Variants in PDE1C observed in about 807,000 individuals in gnomAD.
PDE1C encodes phosphodiesterase 1C.
In PDE1C, 62 loss-of-function variants were observed where a neutral mutation model predicts 93.1. That is an observed-to-expected ratio of 0.67 (90% CI 0.54 to 0.82). The LOEUF (loss-of-function observed/expected upper bound fraction) is 0.82, where lower values mean the gene tolerates loss of function less well. Among genes scored for constraint, PDE1C ranks in the 40% least tolerant of loss-of-function variants. The pLI is 0.00. For missense variants in PDE1C, 742 were observed against 884.6 expected, an observed-to-expected ratio of 0.84 and a Z score of 2.04; for synonymous variants, 325 against 310.1, an observed-to-expected ratio of 1.05 and a Z score of -0.50.
the PDE1C span, among the ~76,000 whole-genome samples, chr7:31,620,279 AGATCT>A: frequency 6.6e-6 from 1 of 152,054 alleles, no homozygotes; most frequent in African/African-American, 2.4e-5. Flanking sequence ...ATGCAGCTGG[AGATCT>A]GAGAACGGGC....
chr7:32,410,037 C>T (rs1785133461), intron 1 of PDE1C, among the ~76,000 whole-genome samples: 1 of 152,022 alleles, frequency 6.6e-6, no homozygotes, highest in Non-Finnish European at 1.5e-5. Context: ...AACATAAAAA[C>T]TAGAAATAAC....
At chr7:32,063,027 T>A (rs1794989707) in intron 1 of PDE1C, among the ~76,000 whole-genome samples, 1 of 152,184 alleles carries the variant, frequency 6.6e-6, no homozygotes, top group Admixed American at 6.5e-5. Flanking sequence ...ATAACAGCTG[T>A]CAAGAGGACT....
At chr7:31,889,637 T>G (rs1798381159) in intron 2 of PDE1C, among the ~76,000 whole-genome samples, 1 of 152,132 alleles carries the variant, frequency 6.6e-6, no homozygotes, top group Non-Finnish European at 1.5e-5. Context: ...GAATCTCCTT[T>G]GGGGATATAT....
intron 1 of PDE1C, among the ~76,000 whole-genome samples, chr7:32,234,244 G>C (rs77062921): frequency 0.024 from 3,648 of 151,766 alleles, 161 homozygotes; most frequent in African/African-American, 0.082. Context: ...AAAAAGAAAA[G>C]AAAATTAAAC....
chr7:31,667,238 G>A, the PDE1C span, among the ~76,000 whole-genome samples: 1 of 152,110 alleles, frequency 6.6e-6, no homozygotes, highest in Non-Finnish European at 1.5e-5. Context: ...CTAGGTTCAG[G>A]CCCAGAATCT....
Position 31,838,326 on chromosome 7 carries a change from C to T in PDE1C, c.981-355G>A, listed in dbSNP as rs189000709. 6.6e-4 allele frequency among the ~76,000 whole-genome samples: 100 copies of T among 152,122 alleles called. 2 individuals are homozygous for T. In the Middle Eastern group the frequency reaches 0.02, roughly 31 times the overall value. ...AATCCTTGGAGGTAAATTAATCATC[C>T]GTATTTCACATTGGATACAGGTATT... On this transcript the variant is annotated intron_variant, in intron 9 of 17. Coordinates refer to ENST00000396191, the MANE Select transcript of PDE1C (RefSeq NM_001191057.4).
intron 3 of PDE1C, among the ~76,000 whole-genome samples, chr7:32,109,273 GAAGA>G (rs1798514682): frequency 6.6e-6 from 1 of 152,224 alleles, no homozygotes; most frequent in Non-Finnish European, 1.5e-5. Context: ...AGAGCCATAT[GAAGA>G]AAGGGATAAC....
rs62457495 is a variant in PDE1C at position 32,275,233 on chromosome 7, C to T, written c.85+23418G>A. On this transcript the variant is annotated intron_variant, in intron 1 of 18. Transcript: ENST00000396193. Reference sequence around the variant, plus strand: ...GCCTTTTCTACTGCTAGCAAAGAAACTAAGCTCACACATGTCATCAGATAA... The same window carrying T: ...GCCTTTTCTACTGCTAGCAAAGAAATTAAGCTCACACATGTCATCAGATAA... 2.3e-3 allele frequency among the ~76,000 whole-genome samples: 346 copies of T among 152,158 alleles called. 3 individuals are homozygous for T. The highest frequency in any genetic ancestry group is 3.9e-3 in the Non-Finnish European group (262 of 68,004).
At chr7:32,331,509 G>A (rs1208714248) in intron 1 of PDE1C, among the ~76,000 whole-genome samples, 1 of 152,158 alleles carries the variant, frequency 6.6e-6, no homozygotes, top group Non-Finnish European at 1.5e-5. Flanking sequence ...TTGAGTAGGG[G>A]TTCCAAATTT....
intron 1 of PDE1C, among the ~76,000 whole-genome samples, chr7:32,366,559 C>G (rs1039118242): frequency 2.0e-5 from 3 of 152,054 alleles, no homozygotes; most frequent in Admixed American, 1.3e-4. Flanking sequence ...ACATTTAAGT[C>G]CAGGAAGATC....
chr7:32,271,405 AAAC>A (rs1271566233), intron 1 of PDE1C, among the ~76,000 whole-genome samples: 2 of 152,244 alleles, frequency 1.3e-5, no homozygotes, highest in Non-Finnish European at 2.9e-5. Context: ...TAGAACAGAT[AAAC>A]AATAAGAGGT....
rs535638492 is a variant in PDE1C at position 31,840,436 on chromosome 7, T to C, written c.981-2465A>G. Among the ~76,000 whole-genome samples, 5 of 152,238 alleles carry C rather than the reference T, an allele frequency of 3.3e-5. No homozygotes were observed. In the South Asian group the frequency reaches 1.0e-3, roughly 32 times the overall value. On this transcript the variant is annotated intron_variant, in intron 9 of 17. Transcript: ENST00000396191. ...CTTGGCCTGCTTTTTTTTAACGGTG[T>C]CTTCCAAAGAGCAAAAGGTTTAATT...
intron 5 of PDE1C, among the ~76,000 whole-genome samples, chr7:31,876,776 C>T (rs1796650574): frequency 6.6e-6 from 1 of 152,140 alleles, no homozygotes; most frequent in African/African-American, 2.4e-5. Flanking sequence ...AGAAAAGATA[C>T]ATCTTCTTGC....
intron 3 of PDE1C, among the ~76,000 whole-genome samples, chr7:32,116,979 G>A (rs1799018055): frequency 1.3e-5 from 2 of 152,096 alleles, no homozygotes; most frequent in Admixed American, 1.3e-4. Context: ...TGAACCATAT[G>A]GGGAAAGCAC....
intron 1 of PDE1C, among the ~76,000 whole-genome samples, chr7:32,280,478 G>T (rs1811556655): frequency 6.6e-6 from 1 of 152,066 alleles, no homozygotes; most frequent in South Asian, 2.1e-4. Context: ...TCTGGATAAT[G>T]ACTCTTCATT....
intron 15 of PDE1C, among the ~76,000 whole-genome samples, chr7:31,812,990 A>T (rs7780904): frequency 0.53 from 80,240 of 151,952 alleles, 23,615 homozygotes; most frequent in Non-Finnish European, 0.66. Context: ...ACAACATGGG[A>T]ATGAGTTTTT....
At chr7:32,325,491 G>A (rs1003353866) in intron 1 of PDE1C, among the ~76,000 whole-genome samples, 1 of 152,170 alleles carries the variant, frequency 6.6e-6, no homozygotes, top group African/African-American at 2.4e-5. Context: ...CAGCACTCTG[G>A]ATTTCTCTCA....
intron 2 of PDE1C, among the ~76,000 whole-genome samples, chr7:32,030,295 T>C (rs915980808): frequency 1.1e-4 from 17 of 152,088 alleles, no homozygotes; most frequent in African/African-American, 4.1e-4. Flanking sequence ...AAAACAATAG[T>C]ACACACCCTC....
intron 1 of PDE1C, among the ~76,000 whole-genome samples, chr7:32,285,588 A>G (rs1279232124): frequency 1.3e-5 from 2 of 152,002 alleles, no homozygotes; most frequent in Non-Finnish European, 2.9e-5. Flanking sequence ...GTTGAATTGT[A>G]CTCTTAAAAT....
Sources: allele counts gnomAD v4.1 joint callset (sites outside exome capture counted in the v4.1 genomes callset), GRCh38; gene constraint gnomAD v4.1.1; transcripts MANE v1.5; gene names NCBI Gene and HGNC (gene_info 2026-07-23, HGNC 2026-07-21).